ZNF804A: variants seen among roughly 807,000 people sequenced by gnomAD.
The protein encoded by ZNF804A is zinc finger protein 804A.
A neutral mutation model predicts 16.5 loss-of-function variants in ZNF804A; 2 were observed. That is an observed-to-expected ratio of 0.12 (90% CI 0.05 to 0.38). ZNF804A has a LOEUF of 0.38. Among genes scored for constraint, ZNF804A ranks in the 10% least tolerant of loss-of-function variants. ZNF804A has a pLI of 0.99. For synonymous variants in ZNF804A, 534 were observed against 489.6 expected, an observed-to-expected ratio of 1.09 and a Z score of -1.20; for missense variants, 1,473 against 1,390.7, an observed-to-expected ratio of 1.06 and a Z score of -0.94.
intron 1 of ZNF804A, among the ~76,000 whole-genome samples, chr2:184,667,484 T>G (rs1370907276): frequency 6.6e-6 from 1 of 151,836 alleles, no homozygotes; most frequent in Non-Finnish European, 1.5e-5. Flanking sequence ...CATCTGAAAT[T>G]GTGGGCCGAG....
chr2:184,721,289 A>T (rs1260831000), intron 1 of ZNF804A, among the ~76,000 whole-genome samples: 2 of 152,208 alleles, frequency 1.3e-5, no homozygotes, highest in East Asian at 3.9e-4. Flanking sequence ...CAAAGAAAGC[A>T]ATCAACAGAG....
chr2:184,666,653 G>A (rs967734951), intron 1 of ZNF804A, among the ~76,000 whole-genome samples: 5 of 151,978 alleles, frequency 3.3e-5, no homozygotes, highest in African/African-American at 1.2e-4. Context: ...CAAATTGTGT[G>A]CTATCATCTC....
intron 1 of ZNF804A, among the ~76,000 whole-genome samples, chr2:184,614,840 C>T (rs968633709): frequency 1.3e-5 from 2 of 152,060 alleles, no homozygotes; most frequent in Non-Finnish European, 2.9e-5. Flanking sequence ...AATGAGATAC[C>T]ATCTCATGCT....
intron 1 of ZNF804A, among the ~76,000 whole-genome samples, chr2:184,751,253 T>C (rs1358831413): frequency 6.6e-6 from 1 of 151,310 alleles, no homozygotes; most frequent in Admixed American, 6.6e-5. Flanking sequence ...AACCTTAGGG[T>C]TCATGAATGC....
At chr2:184,770,479 G>T (rs1383368212) in intron 1 of ZNF804A, among the ~76,000 whole-genome samples, 3 of 152,008 alleles carry the variant, frequency 2.0e-5, no homozygotes, top group African/African-American at 4.8e-5. Flanking sequence ...TTTAAAAAGG[G>T]CATGGGGAGA....
chr2:184,633,284 C>G (rs1469843842), intron 1 of ZNF804A, among the ~76,000 whole-genome samples: 1 of 152,186 alleles, frequency 6.6e-6, no homozygotes, highest in Admixed American at 6.6e-5. Context: ...TTCAACAGAA[C>G]TCTTACCTGG....
intron 2 of ZNF804A, among the ~76,000 whole-genome samples, chr2:184,931,088 A>G (rs925903904): frequency 1.3e-5 from 2 of 152,140 alleles, no homozygotes; most frequent in South Asian, 2.1e-4. Context: ...CTTGTTCACT[A>G]TCACTAGAAC....
At chr2:184,805,064 T>G (rs575798748) in intron 1 of ZNF804A, among the ~76,000 whole-genome samples, 2 of 152,308 alleles carry the variant, frequency 1.3e-5, no homozygotes, top group East Asian at 3.9e-4. Flanking sequence ...GGGACCACAC[T>G]GAGAGGACAT....
intron 1 of ZNF804A, among the ~76,000 whole-genome samples, chr2:184,738,382 A>T (rs1028085414): frequency 5.9e-5 from 9 of 152,240 alleles, no homozygotes; most frequent in African/African-American, 1.9e-4. Context: ...AGAGTCTTAG[A>T]ATGAATCTTT....
intron 1 of ZNF804A, among the ~76,000 whole-genome samples, chr2:184,775,246 C>A (rs1694269751): frequency 6.6e-6 from 1 of 151,598 alleles, no homozygotes; most frequent in African/African-American, 2.4e-5. Flanking sequence ...ATAAACAACT[C>A]ACTGGGAACT....
At chr2:184,650,427 C>T (rs1371296007) in intron 1 of ZNF804A, among the ~76,000 whole-genome samples, 1 of 152,102 alleles carries the variant, frequency 6.6e-6, no homozygotes, top group Non-Finnish European at 1.5e-5. Context: ...TTTCACTGCT[C>T]ATATTCAGCA....
chr2:184,873,402 C>G (rs574203200), intron 2 of ZNF804A, among the ~76,000 whole-genome samples: 10 of 152,046 alleles, frequency 6.6e-5, no homozygotes, highest in African/African-American at 2.2e-4. Context: ...GTGGAAGGAT[C>G]GCTTGAGCCT....
intron 1 of ZNF804A, among the ~76,000 whole-genome samples, chr2:184,703,908 A>C (rs1692975312): frequency 6.6e-6 from 1 of 152,084 alleles, no homozygotes; most frequent in African/African-American, 2.4e-5. Flanking sequence ...AATTAAAACT[A>C]GAAGTTCAAC....
intron 1 of ZNF804A, among the ~76,000 whole-genome samples, chr2:184,762,767 A>G (rs545155005): frequency 6.6e-6 from 1 of 152,232 alleles, no homozygotes; most frequent in South Asian, 2.1e-4. Flanking sequence ...TTTGCTATTT[A>G]TCAATGATGA....
chr2:184,646,951 G>A (rs1691886604), intron 1 of ZNF804A, among the ~76,000 whole-genome samples: 1 of 152,156 alleles, frequency 6.6e-6, no homozygotes, highest in Non-Finnish European at 1.5e-5. Flanking sequence ...TGCATTCCAA[G>A]CATCAGCCCA....
chr2:184,702,056 ATCAC>A (rs1299169785), intron 1 of ZNF804A, among the ~76,000 whole-genome samples: 1 of 151,978 alleles, frequency 6.6e-6, no homozygotes, highest in Non-Finnish European at 1.5e-5. Context: ...TAGAAGGAAA[ATCAC>A]TCTTTGTAAG....
intron 1 of ZNF804A, among the ~76,000 whole-genome samples, chr2:184,842,043 A>T (rs976565643): frequency 2.0e-5 from 3 of 152,190 alleles, no homozygotes; most frequent in Non-Finnish European, 2.9e-5. Flanking sequence ...TAGCATCAAT[A>T]AATATTAATG....
chr2:184,873,564 A>G (rs1317100073), intron 2 of ZNF804A, among the ~76,000 whole-genome samples: 2 of 152,246 alleles, frequency 1.3e-5, no homozygotes, highest in Non-Finnish European at 1.5e-5. Flanking sequence ...ATTTATTACT[A>G]GGAATTTGTA....
chr2:184,793,324 T>C (rs368542512), intron 1 of ZNF804A, among the ~76,000 whole-genome samples: 53 of 152,254 alleles, frequency 3.5e-4, no homozygotes, highest in African/African-American at 1.2e-3. Context: ...AGAAGCTCTG[T>C]TGTAAGTTCT....
Sources: allele counts gnomAD v4.1 joint callset (sites outside exome capture counted in the v4.1 genomes callset), GRCh38; gene constraint gnomAD v4.1.1; transcripts MANE v1.5; gene names NCBI Gene and HGNC (gene_info 2026-07-23, HGNC 2026-07-21).